Variants in TCAIM observed in about 807,000 individuals in gnomAD.
The protein encoded by TCAIM is T-cell activation inhibitor, mitochondrial.
Under a neutral mutation model 58.6 loss-of-function variants are expected in TCAIM, and 36 were observed. The ratio of observed to expected loss-of-function variants is 0.61; its 90% CI spans 0.47 to 0.81. The LOEUF (loss-of-function observed/expected upper bound fraction) is 0.81, where lower values mean the gene tolerates loss of function less well. Ranked by LOEUF, TCAIM falls within the 30% of genes least tolerant of loss-of-function variation. The pLI, the probability that TCAIM is intolerant of heterozygous loss-of-function variation, is 0.00. For synonymous variants in TCAIM, 172 were observed against 193.6 expected (o/e 0.89, Z 0.93); for missense variants, 466 against 579.6 (o/e 0.80, Z 2.01).
At position 44,409,435 on chromosome 3, in the gene TCAIM, A is replaced by G. The variant is rs1008629136; in HGVS notation, c.*1753A>G. ...TCTCAGAACTGTTACATAATAAATA[A>G]TACATCAACCAGATAACTGTTTTTT... is the stretch of plus-strand genomic sequence containing the variant. On this transcript the variant is annotated 3_prime_UTR_variant, in exon 11 of 11. Transcript: ENST00000342649. 3.3e-5 allele frequency: 5 copies of G among 152,272 alleles called. No individual in the cohort carries two copies. The highest frequency in any genetic ancestry group is 1.2e-4 in the African/African-American group (5 of 41,470). The allele number at this position is 152,272 out of a possible 1,614,324, so 9.4% of individuals were successfully genotyped here.
chr3:44,390,563 C>T (rs567597367), intron 5 of TCAIM, among the ~76,000 whole-genome samples: 19 of 152,100 alleles, frequency 1.2e-4, no homozygotes, highest in African/African-American at 4.3e-4. Flanking sequence ...GTCGAGGCTG[C>T]AGTGAGCCAT....
chr3:44,381,005 A>G (rs1470367058), intron 5 of TCAIM, among the ~76,000 whole-genome samples: 1 of 152,168 alleles, frequency 6.6e-6, no homozygotes, highest in African/African-American at 2.4e-5. Flanking sequence ...CAACAAAGAA[A>G]AGCCCTGAAC....
chr3:44,374,828 G>A (rs1396199368), intron 5 of TCAIM, among the ~76,000 whole-genome samples: 1 of 152,122 alleles, frequency 6.6e-6, no homozygotes, highest in Non-Finnish European at 1.5e-5. Flanking sequence ...ATAAAATAAA[G>A]GCTGTTATTG....
chr3:44,354,685 GT>G, intron 1 of TCAIM, 53 bp from the exon 2 acceptor site: 1 of 1,291,888 alleles, frequency 7.7e-7, no homozygotes, highest in Non-Finnish European at 1.1e-6. Flanking sequence ...ATCGCAATGT[GT>G]TTTACATTTA....
intron 5 of TCAIM, among the ~76,000 whole-genome samples, chr3:44,371,263 G>A (rs1219092317): frequency 5.3e-5 from 8 of 151,784 alleles, no homozygotes; most frequent in Non-Finnish European, 1.2e-4. Flanking sequence ...TCACTATGTT[G>A]TGCAGGCTAG....
At chr3:44,378,879 C>T (rs1390318275) in intron 5 of TCAIM, among the ~76,000 whole-genome samples, 2 of 151,872 alleles carry the variant, frequency 1.3e-5, no homozygotes, top group African/African-American at 4.8e-5. Context: ...AAAAGCCAGG[C>T]CAGGCACAGT....
At chr3:44,340,091 C>T (rs778360756) in intron 1 of TCAIM, 8 of 152,214 alleles carry the variant, frequency 5.3e-5, no homozygotes, top group Non-Finnish European at 8.8e-5. Flanking sequence ...AGACGAGAAG[C>T]CTGCGGTTGA....
chr3:44,353,549 G>A (rs1406877383), intron 1 of TCAIM, among the ~76,000 whole-genome samples: 1 of 152,208 alleles, frequency 6.6e-6, no homozygotes, highest in Non-Finnish European at 1.5e-5. Flanking sequence ...CTTCCCACTA[G>A]CAGTGAATGA....
Position 44,407,447 on chromosome 3 carries a change from A to C in TCAIM, c.1256A>C (p.Lys419Thr), listed in dbSNP as rs1485585314. ...TTTTATTTTCTATATAATAGGTTAA[A>C]GGTTATTGAAAATGAATTGATACAG... ...RENMKRKEEL[K>T]VIENELIQAS... The change falls in exon 11 of 11, where the codon AAG (lysine) becomes ACG (threonine). Residue 419 changes from lysine (K) to threonine (T), a missense_variant. Coordinates refer to ENST00000342649, the MANE Select transcript of TCAIM (RefSeq NM_173826.4). 1 of 1,517,788 alleles carries C rather than the reference A, an allele frequency of 6.6e-7. No individual in the cohort carries two copies. The highest frequency in any genetic ancestry group is 9.1e-7 in the Non-Finnish European group (1 of 1,099,228). The allele number at this position is 1,517,788 out of a possible 1,614,324, so 94.0% of individuals were successfully genotyped here.
chr3:44,341,135 T>C (rs1388077393), intron 1 of TCAIM: 2 of 152,150 alleles, frequency 1.3e-5, no homozygotes, highest in East Asian at 3.9e-4. Flanking sequence ...CCTCTAGAAA[T>C]ATGAATTGGC....
intron 5 of TCAIM, among the ~76,000 whole-genome samples, chr3:44,382,804 A>G (rs1287279667): frequency 6.6e-6 from 1 of 152,216 alleles, no homozygotes; most frequent in Non-Finnish European, 1.5e-5. Flanking sequence ...TAAAATGGCA[A>G]CCCACAAAAT....
At chr3:44,402,725 G>A (rs986020455) in intron 10 of TCAIM, among the ~76,000 whole-genome samples, 1 of 152,140 alleles carries the variant, frequency 6.6e-6, no homozygotes, top group Non-Finnish European at 1.5e-5. Flanking sequence ...GCACAGTCAA[G>A]TGGGAAGAGC....
chr3:44,405,380 C>T (rs2125659063), intron 10 of TCAIM, among the ~76,000 whole-genome samples: 1 of 152,264 alleles, frequency 6.6e-6, no homozygotes, highest in South Asian at 2.1e-4. Context: ...GTAGTAGAAA[C>T]AATGACTAAA....
chr3:44,395,777 G>A (rs1701923626), intron 6 of TCAIM, among the ~76,000 whole-genome samples: 1 of 152,252 alleles, frequency 6.6e-6, no homozygotes, highest in South Asian at 2.1e-4. Context: ...TTGAGCCCAG[G>A]TGTTGAAGAC....
At chr3:44,385,055 GCCC>G (rs1701717352) in intron 5 of TCAIM, among the ~76,000 whole-genome samples, 2 of 152,194 alleles carry the variant, frequency 1.3e-5, no homozygotes, top group Admixed American at 1.3e-4. Flanking sequence ...GTCCTGGAGA[GCCC>G]AGCCAATGTA....
At chr3:44,396,715 G>A (rs1225852731) in intron 7 of TCAIM, 28 bp from the exon 8 acceptor site, 8 of 1,608,768 alleles carry the variant, frequency 5.0e-6, no homozygotes, top group Non-Finnish European at 6.8e-6. Context: ...CCTCGACCAT[G>A]ACCAAAGGTT....
At chr3:44,387,089 C>T (rs1701755649) in intron 5 of TCAIM, among the ~76,000 whole-genome samples, 1 of 152,190 alleles carries the variant, frequency 6.6e-6, no homozygotes, top group Non-Finnish European at 1.5e-5. Context: ...CTCATGCTGA[C>T]ATTGGGACTA....
intron 8 of TCAIM, among the ~76,000 whole-genome samples, chr3:44,397,663 T>TCAG: frequency 6.6e-6 from 1 of 152,272 alleles, no homozygotes; most frequent in Non-Finnish European, 1.5e-5. Flanking sequence ...AATGGCTGGA[T>TCAG]CATATGGTAG....
intron 2 of TCAIM, among the ~76,000 whole-genome samples, chr3:44,356,167 A>G (rs992134087): frequency 8.5e-5 from 13 of 152,240 alleles, no homozygotes; most frequent in African/African-American, 2.7e-4. Flanking sequence ...AAACTTTTCT[A>G]AAGACTTGTC....
Sources: gnomAD v4.1 joint callset for allele counts (sites outside exome capture counted in the v4.1 genomes callset) on GRCh38, gnomAD v4.1.1 for gene constraint, MANE v1.5 for transcripts, NCBI Gene and HGNC (gene_info 2026-07-23, HGNC 2026-07-21) for gene names.